KLHL14: variants seen among roughly 807,000 people sequenced by gnomAD.
KLHL14 encodes the protein kelch like family member 14, also known as kelch-like protein 14.
A neutral mutation model predicts 64.3 loss-of-function variants in KLHL14; 22 were observed. That is an observed-to-expected ratio of 0.34 (90% confidence interval 0.24 to 0.49). KLHL14 has a LOEUF of 0.49. Ranked by LOEUF, KLHL14 falls within the 20% of genes least tolerant of loss-of-function variation. The pLI, the probability that KLHL14 is intolerant of heterozygous loss-of-function variation, is 0.99. For missense variants in KLHL14, 661 were observed against 789.0 expected (o/e 0.84, Z 1.94); for synonymous variants, 322 against 333.4 (o/e 0.97, Z 0.37).
chr18:32,688,197 C>A (rs1172510044), intron 4 of KLHL14, among the ~76,000 whole-genome samples: 2 of 152,114 alleles, frequency 1.3e-5, no homozygotes, highest in Non-Finnish European at 2.9e-5. Context: ...AAAAGTCTAC[C>A]TTTATTTATA....
At chr18:32,761,689 ACT>A (rs2050315098) in intron 2 of KLHL14, among the ~76,000 whole-genome samples, 1 of 151,458 alleles carries the variant, frequency 6.6e-6, no homozygotes, top group Non-Finnish European at 1.5e-5. Flanking sequence ...GTTACTATTT[ACT>A]CTTTCTCTTT....
rs2049854549 is a variant in KLHL14 at position 32,683,590 on chromosome 18, TAC to T, written c.1239-2993_1239-2992del. Among the ~76,000 whole-genome samples, 1 of 152,188 alleles carries T rather than the reference TAC, an allele frequency of 6.6e-6. No individual in the cohort carries two copies. Among genetic ancestry groups the T allele is most frequent in the Admixed American group, 6.5e-5 (1 of 15,270 alleles). On this transcript the variant is annotated intron_variant, in intron 5 of 8. Coordinates refer to ENST00000359358, the MANE Select transcript of KLHL14 (RefSeq NM_020805.3). This position sits in a 1 kb window ranked among gnomAD's most constrained non-coding sequence, Gnocchi z 4.2. ...ATTATTAAAGATTTCTTATTGGGAT[TAC>T]ACTGTTTCTGTTTCAAATTGTTCAT...
rs775124331 is a variant in KLHL14 at position 32,680,344 on chromosome 18, G to T, written c.1430-17C>A. Reference sequence around the variant, plus strand: ...GTACACCCCCTGTGAAATAAACATAGACATACAAGTCAAGAGAGTGCTTTG... The same window carrying T: ...GTACACCCCCTGTGAAATAAACATATACATACAAGTCAAGAGAGTGCTTTG... On this transcript the variant is annotated splice_polypyrimidine_tract_variant and intron_variant, in intron 6 of 8. Transcript: ENST00000359358. This position sits in a 1 kb window ranked among gnomAD's most constrained non-coding sequence, Gnocchi z 4.8. The T allele has an allele frequency of 1.2e-6, 2 of 1,613,568 alleles. No individual in the cohort carries two copies. Among genetic ancestry groups the T allele is most frequent in the Admixed American group, 3.3e-5 (2 of 59,974 alleles).
At chr18:32,690,807 A>G (rs1291956190) in intron 4 of KLHL14, among the ~76,000 whole-genome samples, 4 of 152,310 alleles carry the variant, frequency 2.6e-5, no homozygotes, top group East Asian at 1.9e-4. Context: ...GGAGAATTTA[A>G]GGATTATAGA....
At chr18:32,719,672 G>A (rs1367178867) in intron 3 of KLHL14, among the ~76,000 whole-genome samples, 2 of 152,288 alleles carry the variant, frequency 1.3e-5, no homozygotes, top group Non-Finnish European at 2.9e-5. Context: ...TTGACACAGT[G>A]GCTAAAAGAT....
chr18:32,730,715 C>T (rs1251065647), intron 3 of KLHL14, among the ~76,000 whole-genome samples: 2 of 152,140 alleles, frequency 1.3e-5, no homozygotes, highest in African/African-American at 2.4e-5. Context: ...ACATCATTGC[C>T]TTAGCAGTAG....
chr18:32,757,277 T>G (rs985833988), intron 2 of KLHL14, among the ~76,000 whole-genome samples: 3 of 152,236 alleles, frequency 2.0e-5, no homozygotes, highest in African/African-American at 7.2e-5. Flanking sequence ...AGAGCAGCAG[T>G]AGCAGCAGTT....
intron 3 of KLHL14, among the ~76,000 whole-genome samples, chr18:32,701,594 A>C (rs1200189347): frequency 6.6e-6 from 1 of 152,194 alleles, no homozygotes; most frequent in African/African-American, 2.4e-5. Context: ...TAAGCATGAT[A>C]AAAAGGCATA....
Position 32,770,387 on chromosome 18 carries a change from C to G in KLHL14, c.205G>C (p.Gly69Arg). 6.3e-7 allele frequency: 1 copy of G among 1,594,282 alleles called. No individual in the cohort carries two copies. Among genetic ancestry groups the G allele is most frequent in the Non-Finnish European group, 8.6e-7 (1 of 1,169,258 alleles). ...CCGTCCTGGCCGCCGACCCCTCCCCCGAGAGGGGGGTGGCTGGAGAAGAGC... is the reference window on the plus strand; with the variant it reads ...CCGTCCTGGCCGCCGACCCCTCCCCGGAGAGGGGGGTGGCTGGAGAAGAGC... ...RSLFSSHPPL[G>R]GGVGGQDGLG... Residue 69 changes from glycine (G) to arginine (R), a missense_variant, in exon 2 of 9, where the codon GGG becomes CGG. This residue lies in a region of KLHL14 where 331 missense variants were observed against 339.0 expected (regional missense o/e 0.98). Transcript: ENST00000359358. The surrounding 1 kb of genome is among the most constrained non-coding windows in gnomAD (Gnocchi z 6.7).
rs376235337 is a variant in KLHL14, at chr18:32,770,503, T to C, written c.89A>G (p.Gln30Arg). ...CGTCAGGGTCACGTCGCAAAACAGC[T>C]GCTTCCTCCACAGCAGGTTGAGGCC... is the stretch of plus-strand genomic sequence containing the variant. ...LHGLNLLWRK[Q>R]LFCDVTLTAQ... Residue 30 changes from glutamine to arginine, a missense_variant, in exon 2 of 9, where the codon CAG becomes CGG. Physicochemically the swap from Gln to Arg is conservative, Grantham distance 43. Around this residue, in one of 2 missense-constraint regions of KLHL14, gnomAD observed 331 missense variants for 339.0 expected, o/e 0.98. Coordinates refer to ENST00000359358, the MANE Select transcript of KLHL14 (RefSeq NM_020805.3). This position sits in a 1 kb window ranked among gnomAD's most constrained non-coding sequence, Gnocchi z 6.7. 2 of 1,611,344 alleles carry C rather than the reference T, an allele frequency of 1.2e-6. No homozygotes were observed. Among genetic ancestry groups the C allele is most frequent in the South Asian group, 1.1e-5 (1 of 90,988 alleles).
At chr18:32,729,564 A>C (rs986967249) in intron 3 of KLHL14, among the ~76,000 whole-genome samples, 2 of 152,180 alleles carry the variant, frequency 1.3e-5, no homozygotes, top group African/African-American at 4.8e-5. Flanking sequence ...AGAAAATAGA[A>C]ATATGTCATT....
intron 3 of KLHL14, among the ~76,000 whole-genome samples, chr18:32,724,732 CAG>C (rs1359677708): frequency 6.6e-6 from 1 of 152,188 alleles, no homozygotes; most frequent in Non-Finnish European, 1.5e-5. Flanking sequence ...CACTTCAATG[CAG>C]AGTGTCATAT....
At chr18:32,772,264 A>C (rs2050393713) in intron 1 of KLHL14, 1 of 387,492 alleles carries the variant, frequency 2.6e-6, no homozygotes. Flanking sequence ...GCTCCTTTCG[A>C]CTCACTTTAC....
intron 3 of KLHL14, among the ~76,000 whole-genome samples, chr18:32,718,322 G>A (rs989484446): frequency 3.3e-5 from 5 of 152,164 alleles, no homozygotes; most frequent in Admixed American, 6.5e-5. Flanking sequence ...AATTTAAAAT[G>A]CAATGTCATA....
At chr18:32,760,369 C>CACATATACAG (rs1480315871) in intron 2 of KLHL14, among the ~76,000 whole-genome samples, 1 of 152,046 alleles carries the variant, frequency 6.6e-6, no homozygotes, top group Non-Finnish European at 1.5e-5. Flanking sequence ...CACATATACA[C>CACATATACAG]ACACACACAA....
rs774698519 is a variant in KLHL14 at position 32,674,789 on chromosome 18, G to A, written c.1755C>T (p.Tyr585=). ...VGGYSWSMGA[Y]KSSTICYCPE... Reference sequence around the variant, plus strand: ...GACAATAGCATATTGTAGATGACTTGTAGGCCCCCTGTAATGACAGAGGAG... The same window carrying A: ...GACAATAGCATATTGTAGATGACTTATAGGCCCCCTGTAATGACAGAGGAG... The change falls in exon 9 of 9, where the codon TAC becomes TAT. Residue 585 remains tyrosine (Y), a synonymous_variant. Transcript: ENST00000359358. The A allele has an allele frequency of 1.3e-6, 1 of 780,688 alleles. No individual in the cohort carries two copies. The highest frequency in any genetic ancestry group is 1.7e-5 in the Admixed American group (1 of 59,034). 48.4% of individuals were successfully genotyped at this position (780,688 alleles called of 1,614,324 possible).
At chr18:32,746,078 A>G (rs1156613152) in intron 2 of KLHL14, among the ~76,000 whole-genome samples, 3 of 152,194 alleles carry the variant, frequency 2.0e-5, no homozygotes, top group Non-Finnish European at 2.9e-5. Flanking sequence ...ATAGGGAACC[A>G]ATTTAGCCCA....
At chr18:32,712,537 G>A (rs545020749) in intron 3 of KLHL14, among the ~76,000 whole-genome samples, 37 of 152,162 alleles carry the variant, frequency 2.4e-4, no homozygotes, top group Admixed American at 9.2e-4. Flanking sequence ...TATGTCTTGC[G>A]TCATTAATTT....
intron 2 of KLHL14, among the ~76,000 whole-genome samples, chr18:32,766,739 T>G (rs892448259): frequency 6.6e-6 from 1 of 152,134 alleles, no homozygotes; most frequent in Non-Finnish European, 1.5e-5. Context: ...TGAATTTAAG[T>G]GCAACTGGTA....
Sources: gnomAD v4.1 joint callset for allele counts (sites outside exome capture counted in the v4.1 genomes callset) on GRCh38, gnomAD v4.1.1 for gene constraint, gnomAD v4.1.1 regional missense constraint, Gnocchi (gnomAD v3.1) non-coding constraint, MANE v1.5 for transcripts, NCBI Gene and HGNC (gene_info 2026-07-23, HGNC 2026-07-21) for gene names.